Variants in PRDM16 observed in about 807,000 individuals in gnomAD.
The protein encoded by PRDM16 is PR/SET domain 16.
PRDM16 carries 23 observed loss-of-function variants against 110.6 expected under a neutral mutation model. The observed-to-expected ratio is 0.21, with a 90% confidence interval of 0.15 to 0.29. PRDM16 has a LOEUF of 0.29. Among genes scored for constraint, PRDM16 ranks in the 10% least tolerant of loss-of-function variants. The probability of loss-of-function intolerance (pLI) is 1.00; values close to 1 mark genes in which losing one functional copy is unlikely to be tolerated. For synonymous variants in PRDM16, 799 were observed against 781.8 expected (o/e 1.02, Z -0.37); for missense variants, 1,615 against 1,794.3 (o/e 0.90, Z 1.81).
At chr1:3,158,959 C>T (rs940496977) in intron 1 of PRDM16, among the ~76,000 whole-genome samples, 7 of 152,122 alleles carry the variant, frequency 4.6e-5, no homozygotes, top group African/African-American at 1.2e-4. Context: ...TTAGTAGAGA[C>T]GGGGTTTCCC....
intron 3 of PRDM16, among the ~76,000 whole-genome samples, chr1:3,373,052 C>T (rs1257683426): frequency 6.6e-6 from 1 of 152,184 alleles, no homozygotes; most frequent in Non-Finnish European, 1.5e-5. Context: ...CTCTCACCGC[C>T]GCAGGACCAG....
At chr1:3,107,561 G>A (rs1367002054) in intron 1 of PRDM16, among the ~76,000 whole-genome samples, 1 of 152,206 alleles carries the variant, frequency 6.6e-6, no homozygotes, top group Non-Finnish European at 1.5e-5. Context: ...TCTCAGAGTA[G>A]CTGCTGGTTA....
At chr1:3,133,061 C>G (rs1422770217) in intron 1 of PRDM16, 2 of 152,308 alleles carry the variant, frequency 1.3e-5, no homozygotes, top group African/African-American at 4.8e-5. Context: ...TCTGCCGTGC[C>G]TCTGACTGGG....
chr1:3,340,036 TCTG>T (rs1419162542), intron 3 of PRDM16, among the ~76,000 whole-genome samples: 3 of 152,188 alleles, frequency 2.0e-5, no homozygotes, highest in Non-Finnish European at 4.4e-5. Context: ...GCAGGCGATC[TCTG>T]CTGCGTATGG....
At chr1:3,158,742 C>T (rs1042417769) in intron 1 of PRDM16, among the ~76,000 whole-genome samples, 1 of 141,860 alleles carries the variant, frequency 7.0e-6, no homozygotes, top group African/African-American at 2.6e-5. Flanking sequence ...CCTTTCTTCC[C>T]TTTTTTCTTT....
intron 3 of PRDM16, among the ~76,000 whole-genome samples, chr1:3,280,860 G>A (rs949384720): frequency 1.3e-5 from 2 of 152,210 alleles, no homozygotes; most frequent in African/African-American, 4.8e-5. Context: ...ACAGCCCCTG[G>A]GGCAGGGGCA....
chr1:3,294,386 A>G (rs4648468), intron 3 of PRDM16, among the ~76,000 whole-genome samples: 126,861 of 152,062 alleles, frequency 0.83, 53,496 homozygotes, highest in East Asian at 0.99. Flanking sequence ...AGGCACTTCC[A>G]GCAGTCCTGA....
intron 1 of PRDM16, among the ~76,000 whole-genome samples, chr1:3,168,340 A>C (rs1275328066): frequency 4.6e-5 from 2 of 43,376 alleles, no homozygotes; most frequent in East Asian, 6.3e-4. Context: ...CCCCGTTCCC[A>C]TGCAGCCATC....
intron 3 of PRDM16, among the ~76,000 whole-genome samples, chr1:3,367,751 A>T (rs944615728): frequency 6.6e-6 from 1 of 152,236 alleles, no homozygotes. Flanking sequence ...TTTTATACTG[A>T]TAAGAATTAA....
At chr1:3,321,780 T>C (rs559973187) in intron 3 of PRDM16, among the ~76,000 whole-genome samples, 15 of 151,336 alleles carry the variant, frequency 9.9e-5, no homozygotes, top group African/African-American at 3.4e-4. Context: ...TGTGCACGTG[T>C]GTGCTGTGCA....
intron 3 of PRDM16, among the ~76,000 whole-genome samples, chr1:3,248,877 A>G (rs1214426874): frequency 6.6e-6 from 1 of 152,228 alleles, no homozygotes; most frequent in Non-Finnish European, 1.5e-5. Context: ...CGAGGAGTCC[A>G]GAGGTTTCCT....
chr1:3,402,038 G>T (rs1273014716), intron 5 of PRDM16, among the ~76,000 whole-genome samples: 1 of 152,280 alleles, frequency 6.6e-6, no homozygotes, highest in African/African-American at 2.4e-5. Context: ...GATATGCTGA[G>T]ATATTCACAC....
chr1:3,091,515 C>T (rs1041564124), intron 1 of PRDM16, among the ~76,000 whole-genome samples: 7 of 152,234 alleles, frequency 4.6e-5, no homozygotes, highest in African/African-American at 1.7e-4. Context: ...CGTGCCGGCT[C>T]CTCTCCACGC....
intron 1 of PRDM16, among the ~76,000 whole-genome samples, chr1:3,165,011 G>A (rs998271691): frequency 2.6e-5 from 4 of 152,234 alleles, no homozygotes; most frequent in African/African-American, 4.8e-5. Context: ...GTAGGCTGGC[G>A]CCTCTCTGTG....
In PRDM16 at chr1:3,091,691, T is replaced by C. The variant is rs1413787849; in HGVS notation, c.37+22395T>C. 2.0e-5 allele frequency among the ~76,000 whole-genome samples: 3 copies of C among 152,174 alleles called. No individual in the cohort carries two copies. The East Asian group carries it at 5.8e-4, about 29-fold the overall frequency. The stretch of plus-strand genomic sequence containing the variant: ...CCTTCCAGCAGCTGTGCTGTGCTCC[T>C]TCCATGATCACCCCACAGCCCTGCG... On this transcript the variant is annotated intron_variant, in intron 1 of 16. Coordinates refer to ENST00000270722, the MANE Select transcript of PRDM16 (RefSeq NM_022114.4).
rs1453106556 is a variant in PRDM16 at position 3,219,516 on chromosome 1, C to T, written c.388-24571C>T. Among the ~76,000 whole-genome samples the T allele has an allele frequency of 2.0e-5, 3 of 152,150 alleles. 1 individual carries two copies. Among genetic ancestry groups the T allele is most frequent in the South Asian group, 4.1e-4 (2 of 4,832 alleles). ...GAGGAGAGCGCAGGGGGCTGGCAGGCCCTCGGTAGGGCAGTATCATCTTTG... is the reference window on the plus strand; with the variant it reads ...GAGGAGAGCGCAGGGGGCTGGCAGGTCCTCGGTAGGGCAGTATCATCTTTG... On this transcript the variant is annotated intron_variant, in intron 2 of 16. Coordinates refer to ENST00000270722, the MANE Select transcript of PRDM16 (RefSeq NM_022114.4).
chr1:3,331,956 G>A (rs1642049972), intron 3 of PRDM16, among the ~76,000 whole-genome samples: 1 of 152,232 alleles, frequency 6.6e-6, no homozygotes, highest in Non-Finnish European at 1.5e-5. Context: ...CCAGGCAGTG[G>A]CTCTATCATG....
intron 2 of PRDM16, among the ~76,000 whole-genome samples, chr1:3,195,261 C>T (rs565164918): frequency 5.9e-5 from 9 of 152,278 alleles, no homozygotes; most frequent in Admixed American, 2.6e-4. Context: ...CCATGTCCCC[C>T]GGCACCGTGA....
chr1:3,110,401 G>A (rs1241135467), intron 1 of PRDM16, among the ~76,000 whole-genome samples: 28 of 139,292 alleles, frequency 2.0e-4, no homozygotes, highest in Non-Finnish European at 3.4e-4. Flanking sequence ...CTGGGTGTGG[G>A]GACACAGTGT....
Sources: gnomAD v4.1 joint callset for allele counts (sites outside exome capture counted in the v4.1 genomes callset) on GRCh38, gnomAD v4.1.1 for gene constraint, MANE v1.5 for transcripts, NCBI Gene and HGNC (gene_info 2026-07-23, HGNC 2026-07-21) for gene names.